PDE11A: variants seen among roughly 807,000 people sequenced by gnomAD.
PDE11A encodes phosphodiesterase 11A, also known as dual 3',5'-cyclic-AMP and -GMP phosphodiesterase 11A.
PDE11A carries 100 observed loss-of-function variants against 100.5 expected under a neutral mutation model. That is an observed-to-expected ratio of 1.00 (90% CI 0.85 to 1.18). The LOEUF (loss-of-function observed/expected upper bound fraction) is 1.18. Among genes scored for constraint, PDE11A ranks in the 50% most tolerant of loss-of-function variants. The probability of loss-of-function intolerance (pLI) is 0.00; values close to 1 mark genes in which losing one functional copy is unlikely to be tolerated. For synonymous variants in PDE11A, 381 were observed against 420.8 expected, an observed-to-expected ratio of 0.91 and a Z score of 1.16; for missense variants, 1,141 against 1,152.6, an observed-to-expected ratio of 0.99 and a Z score of 0.15.
At chr2:177,711,065 T>G (rs910210027) in intron 13 of PDE11A, among the ~76,000 whole-genome samples, 1 of 152,226 alleles carries the variant, frequency 6.6e-6, no homozygotes, top group African/African-American at 2.4e-5. Flanking sequence ...GACCTGGGTT[T>G]TGGTCTTATT....
chr2:177,748,774 G>A (rs1272132980), intron 10 of PDE11A, among the ~76,000 whole-genome samples: 6 of 152,022 alleles, frequency 3.9e-5, no homozygotes, highest in African/African-American at 1.2e-4. Context: ...ATTTCTGATC[G>A]GACCATAAAT....
rs1558989445 is a variant in PDE11A at position 177,881,383 on chromosome 2, CTAT to C, written c.1303-5463_1303-5461del. ...TCTATCTATCTATCTATCTATCTATCTATCCATCTATCTATCTAGTCTCCTATT... is the reference window on the plus strand; with the variant it reads ...TCTATCTATCTATCTATCTATCTATCCCATCTATCTATCTAGTCTCCTATT... On this transcript the variant is annotated intron_variant, in intron 4 of 19. Coordinates refer to ENST00000286063, the MANE Select transcript of PDE11A (RefSeq NM_016953.4). Among the ~76,000 whole-genome samples, 813 of 151,920 alleles carry C rather than the reference CTAT, an allele frequency of 5.4e-3. 4 individuals carry two copies. The highest frequency in any genetic ancestry group is 0.018 in the African/African-American group (737 of 41,338).
chr2:177,731,861 C>A (rs550709968), intron 10 of PDE11A, among the ~76,000 whole-genome samples: 7 of 152,134 alleles, frequency 4.6e-5, no homozygotes, highest in Non-Finnish European at 1.0e-4. Context: ...ATTCATCCAT[C>A]TGTTTTCTAG....
chr2:178,084,698 G>A (rs2087327073), intron 2 of PDE11A, among the ~76,000 whole-genome samples: 1 of 151,436 alleles, frequency 6.6e-6, no homozygotes, highest in Non-Finnish European at 1.5e-5. Flanking sequence ...AAGATTGTAT[G>A]AAGTGAAAAT....
chr2:177,787,694 A>G (rs531791962), intron 9 of PDE11A, among the ~76,000 whole-genome samples: 265 of 136,226 alleles, frequency 1.9e-3, no homozygotes, highest in African/African-American at 6.6e-3. Flanking sequence ...ATGGAGGAAG[A>G]TCTACCAAGC....
intron 2 of PDE11A, among the ~76,000 whole-genome samples, chr2:178,011,362 G>T (rs991292530): frequency 1.3e-5 from 2 of 152,178 alleles, no homozygotes; most frequent in Non-Finnish European, 2.9e-5. Context: ...CTGCTGAAGA[G>T]AATGTGGGTC....
intron 16 of PDE11A, 49 bp downstream of exon 16, chr2:177,680,777 C>T: frequency 1.9e-6 from 2 of 1,028,270 alleles, no homozygotes; most frequent in Non-Finnish European, 3.1e-6. Context: ...TTTATGTGGA[C>T]TAAATGTCCA....
chr2:177,781,623 C>A (rs1273589539), intron 9 of PDE11A, among the ~76,000 whole-genome samples: 1 of 152,068 alleles, frequency 6.6e-6, no homozygotes, highest in Non-Finnish European at 1.5e-5. Flanking sequence ...CTGACTCAGC[C>A]TCCAAGTAGC....
chr2:177,972,695 G>C (rs2085787478), intron 2 of PDE11A, among the ~76,000 whole-genome samples: 1 of 152,206 alleles, frequency 6.6e-6, no homozygotes, highest in Admixed American at 6.5e-5. Flanking sequence ...ATATGAGGAG[G>C]AGTTGGCCCT....
chr2:177,769,336 A>G lies in PDE11A; in HGVS notation c.1775T>C (p.Val592Ala). ...TTTCTTCCTTACCTTAAACTTGTCA[A>G]CTTCAGCTTTTGAACATGTTGCATG... is the stretch of plus-strand genomic sequence containing the variant. Reference protein sequence around the residue: ...SYHATCSKAEVDKFKAANIPL... With the variant: ...SYHATCSKAEADKFKAANIPL... Residue 592 changes from valine (V) to alanine (A), a missense_variant, in exon 10 of 20, where the codon GTT becomes GCT. Val to Ala is a moderately conservative substitution (Grantham distance 64). Transcript: ENST00000286063. 1 of 1,599,438 alleles carries G rather than the reference A, an allele frequency of 6.3e-7. No individual in the cohort carries two copies.
At chr2:178,079,779 C>G (rs569588176) in intron 2 of PDE11A, among the ~76,000 whole-genome samples, 2 of 152,284 alleles carry the variant, frequency 1.3e-5, no homozygotes, top group East Asian at 3.9e-4. Flanking sequence ...ATGCCTTTTT[C>G]TCCACAAACT....
chr2:177,640,314 G>A (rs1278930907), intron 19 of PDE11A, among the ~76,000 whole-genome samples: 1 of 152,162 alleles, frequency 6.6e-6, no homozygotes, highest in African/African-American at 2.4e-5. Context: ...CTTTCTGGAG[G>A]AAAATATCAA....
intron 19 of PDE11A, among the ~76,000 whole-genome samples, chr2:177,637,976 C>T (rs1367150433): frequency 5.0e-5 from 4 of 79,828 alleles, no homozygotes; most frequent in East Asian, 3.6e-4. Flanking sequence ...TATATATACA[C>T]GTGTATATAT....
At chr2:178,016,784 C>G (rs1267919264) in intron 1 of PDE11A, among the ~76,000 whole-genome samples, 2 of 152,064 alleles carry the variant, frequency 1.3e-5, no homozygotes, top group East Asian at 3.9e-4. Context: ...CAGGAAAAAG[C>G]TTAATAAGTT....
At chr2:177,770,738 G>C (rs191142928) in intron 9 of PDE11A, among the ~76,000 whole-genome samples, 3 of 152,264 alleles carry the variant, frequency 2.0e-5, no homozygotes, top group Admixed American at 6.5e-5. Context: ...CACATTGGTG[G>C]CATTTTATAA....
intron 9 of PDE11A, among the ~76,000 whole-genome samples, chr2:177,809,255 C>A (rs1163207612): frequency 6.6e-6 from 1 of 152,062 alleles, no homozygotes; most frequent in African/African-American, 2.4e-5. Context: ...CAGTTAAAGT[C>A]ATAAATTTCA....
intron 2 of PDE11A, among the ~76,000 whole-genome samples, chr2:178,084,312 A>G (rs1463555896): frequency 6.6e-6 from 1 of 152,232 alleles, no homozygotes; most frequent in Non-Finnish European, 1.5e-5. Flanking sequence ...TGAGTAGCTC[A>G]GTGAGGTTCT....
Position 177,849,323 on chromosome 2 carries a change from G to A in PDE11A, c.1368-8940C>T, listed in dbSNP as rs1393608321. Among the ~76,000 whole-genome samples the A allele has an allele frequency of 2.6e-5, 4 of 152,300 alleles. No homozygotes were observed. In the East Asian group the frequency reaches 7.7e-4, roughly 29 times the overall value. ...AATGGAAGGATGTGGAAGGATGTTG[G>A]TCTAAGCTGGTCTTTAGAGGATAAG... On this transcript the variant is annotated intron_variant, in intron 5 of 19. Transcript: ENST00000286063.
At chr2:178,099,889 C>CA (rs1450877054) in intron 2 of PDE11A, among the ~76,000 whole-genome samples, 1 of 152,082 alleles carries the variant, frequency 6.6e-6, no homozygotes, top group Admixed American at 6.6e-5. Flanking sequence ...AATAGATAAA[C>CA]AAAATGCTAT....
Sources: gnomAD v4.1 joint callset for allele counts (sites outside exome capture counted in the v4.1 genomes callset) on GRCh38, gnomAD v4.1.1 for gene constraint, MANE v1.5 for transcripts, NCBI Gene and HGNC (gene_info 2026-07-23, HGNC 2026-07-21) for gene names.